Variants in UBL3 observed in about 807,000 individuals in gnomAD.
The protein encoded by UBL3 is ubiquitin like 3.
In UBL3, 6 loss-of-function variants were observed where a neutral mutation model predicts 18.4. The observed-to-expected ratio is 0.33, with a 90% CI of 0.18 to 0.64. The LOEUF is 0.64. Among genes scored for constraint, UBL3 ranks in the 30% least tolerant of loss-of-function variants. The pLI, the probability that UBL3 is intolerant of heterozygous loss-of-function variation, is 0.76. For synonymous variants in UBL3, 49 were observed against 46.6 expected (o/e 1.05, Z -0.21); for missense variants, 109 against 142.9 (o/e 0.76, Z 1.21).
chr13:29,788,444 G>C (rs1290345517), intron 1 of UBL3, among the ~76,000 whole-genome samples: 1 of 152,214 alleles, frequency 6.6e-6, no homozygotes, highest in Non-Finnish European at 1.5e-5. Flanking sequence ...GACAAGGACA[G>C]AGATGCCCTG....
chr13:29,785,979 A>G (rs937257609), intron 1 of UBL3, among the ~76,000 whole-genome samples: 1 of 152,216 alleles, frequency 6.6e-6, no homozygotes, highest in Non-Finnish European at 1.5e-5. Flanking sequence ...ATAAAAAGTA[A>G]AAATAATAGC....
At chr13:29,835,291 A>G (rs1370005683) in intron 1 of UBL3, among the ~76,000 whole-genome samples, 4 of 148,562 alleles carry the variant, frequency 2.7e-5, no homozygotes, top group African/African-American at 7.4e-5. Flanking sequence ...AACAGAAACC[A>G]AGGGAGTAAA....
intron 1 of UBL3, among the ~76,000 whole-genome samples, chr13:29,798,215 G>A (rs764796069): frequency 2.6e-5 from 4 of 151,808 alleles, no homozygotes; most frequent in Admixed American, 6.6e-5. Context: ...TAGTAGAGAC[G>A]GGGTTTCACC....
At chr13:29,830,545 A>G (rs1040587104) in intron 1 of UBL3, among the ~76,000 whole-genome samples, 6 of 152,200 alleles carry the variant, frequency 3.9e-5, no homozygotes, top group African/African-American at 1.4e-4. Flanking sequence ...ATTTAACAAG[A>G]AACAACATCT....
At chr13:29,804,495 C>G (rs1437995521) in intron 1 of UBL3, among the ~76,000 whole-genome samples, 2 of 151,954 alleles carry the variant, frequency 1.3e-5, no homozygotes, top group Non-Finnish European at 2.9e-5. Flanking sequence ...ATGAAGGAAA[C>G]TGAGATGTGA....
chr13:29,791,910 T>C (rs976919695), intron 1 of UBL3, among the ~76,000 whole-genome samples: 14 of 152,126 alleles, frequency 9.2e-5, no homozygotes, highest in African/African-American at 2.7e-4. Flanking sequence ...TCCTTGAAGG[T>C]AGAAAATCAA....
At chr13:29,789,139 TC>T (rs1363366120) in intron 1 of UBL3, among the ~76,000 whole-genome samples, 1 of 152,108 alleles carries the variant, frequency 6.6e-6, no homozygotes, top group African/African-American at 2.4e-5. Flanking sequence ...CCTCAGGTGA[TC>T]CACCAGCCTC....
intron 1 of UBL3, among the ~76,000 whole-genome samples, chr13:29,789,167 G>A (rs1252856804): frequency 6.6e-6 from 1 of 152,090 alleles, no homozygotes; most frequent in African/African-American, 2.4e-5. Flanking sequence ...CCAAAGTGCT[G>A]GGATTACAGG....
intron 1 of UBL3, among the ~76,000 whole-genome samples, chr13:29,824,331 T>C (rs549986309): frequency 6.6e-6 from 1 of 152,340 alleles, no homozygotes; most frequent in African/African-American, 2.4e-5. Flanking sequence ...ACCAACACTG[T>C]AAAAGTGTTC....
intron 1 of UBL3, among the ~76,000 whole-genome samples, chr13:29,835,182 A>ATCTC (rs1878928388): frequency 1.1e-5 from 1 of 87,170 alleles, no homozygotes; most frequent in African/African-American, 4.4e-5. Context: ...ATATATATAT[A>ATCTC]TATCTCCACC....
At position 29,764,752 on chromosome 13, in the gene UBL3, C is replaced by G. The variant is rs1876620401; in HGVS notation, c.*2503G>C. 1 of 152,162 alleles carries G rather than the reference C, an allele frequency of 6.6e-6. No individual in the cohort carries two copies. The highest frequency in any genetic ancestry group is 1.5e-5 in the Non-Finnish European group (1 of 68,052). 9.4% of individuals were successfully genotyped at this position (152,162 alleles called of 1,614,324 possible). A position where few individuals can be genotyped will look rare whatever the true frequency, so the allele number is the denominator to read the frequency against. On this transcript the variant is annotated 3_prime_UTR_variant, in exon 5 of 5. Coordinates refer to ENST00000380680, the MANE Select transcript of UBL3 (RefSeq NM_007106.4). Reference sequence around the variant, plus strand: ...GCGTTAGGCAGGGACATAGGCTCATCATTCAGGCTTTATGTACATTACTGG... The same window carrying G: ...GCGTTAGGCAGGGACATAGGCTCATGATTCAGGCTTTATGTACATTACTGG...
At chr13:29,777,392 A>G (rs1473878477) in intron 1 of UBL3, 129 bp from the exon 2 acceptor site, 5 of 757,878 alleles carry the variant, frequency 6.6e-6, no homozygotes, top group Non-Finnish European at 1.1e-5. Flanking sequence ...TTTTATTTAA[A>G]TTCTATAAAA....
intron 1 of UBL3, among the ~76,000 whole-genome samples, chr13:29,780,820 C>G (rs2139315279): frequency 6.6e-6 from 1 of 152,240 alleles, no homozygotes; most frequent in East Asian, 1.9e-4. Flanking sequence ...TGTTTTATTA[C>G]AGCAACTTGG....
intron 1 of UBL3, among the ~76,000 whole-genome samples, chr13:29,836,864 T>C (rs904703022): frequency 1.3e-5 from 2 of 152,224 alleles, no homozygotes; most frequent in African/African-American, 4.8e-5. Flanking sequence ...AACAAAAAGA[T>C]GTTGAAAAGA....
chr13:29,786,901 T>C (rs942834581), intron 1 of UBL3, among the ~76,000 whole-genome samples: 1 of 144,958 alleles, frequency 6.9e-6, no homozygotes, highest in African/African-American at 2.5e-5. Flanking sequence ...GGTCAGAGAG[T>C]CCTCTAGCTT....
intron 1 of UBL3, among the ~76,000 whole-genome samples, chr13:29,812,159 T>C (rs1878106471): frequency 6.6e-6 from 1 of 152,100 alleles, no homozygotes. Flanking sequence ...ATTCTCTGAA[T>C]GTATTGACAG....
chr13:29,812,126 C>T (rs543460817), intron 1 of UBL3, among the ~76,000 whole-genome samples: 2 of 152,134 alleles, frequency 1.3e-5, no homozygotes, highest in Non-Finnish European at 1.5e-5. Flanking sequence ...CCAAGCCACA[C>T]GGTTTAAGTC....
intron 1 of UBL3, among the ~76,000 whole-genome samples, chr13:29,843,662 G>T (rs1879161227): frequency 6.6e-6 from 1 of 152,136 alleles, no homozygotes; most frequent in Non-Finnish European, 1.5e-5. Flanking sequence ...ACTGCAATAA[G>T]AATGTTTACA....
chr13:29,809,587 G>A (rs768278031), intron 1 of UBL3, among the ~76,000 whole-genome samples: 2 of 152,122 alleles, frequency 1.3e-5, no homozygotes, highest in Non-Finnish European at 2.9e-5. Flanking sequence ...TGTACGGATA[G>A]AGCATTCTTT....
Sources: gnomAD v4.1 joint callset for allele counts (sites outside exome capture counted in the v4.1 genomes callset) on GRCh38, gnomAD v4.1.1 for gene constraint, MANE v1.5 for transcripts, NCBI Gene and HGNC (gene_info 2026-07-23, HGNC 2026-07-21) for gene names.